ZC3H14: variants seen among roughly 807,000 people sequenced by gnomAD.
ZC3H14 encodes zinc finger CCCH-type containing 14.
A neutral mutation model predicts 92.4 loss-of-function variants in ZC3H14; 31 were observed. The observed-to-expected ratio is 0.34, with a 90% CI of 0.25 to 0.45. The LOEUF is 0.45. Among genes scored for constraint, ZC3H14 ranks in the 20% least tolerant of loss-of-function variants. The pLI, the probability that ZC3H14 is intolerant of heterozygous loss-of-function variation, is 1.00. For synonymous variants in ZC3H14, 321 were observed against 300.9 expected, an observed-to-expected ratio of 1.07 and a Z score of -0.69; for missense variants, 781 against 897.3, an observed-to-expected ratio of 0.87 and a Z score of 1.66.
intron 9 of ZC3H14, chr14:88,590,638 G>C (rs537760406): frequency 6.6e-6 from 1 of 152,256 alleles, no homozygotes; most frequent in Admixed American, 6.5e-5. Flanking sequence ...TTGTAGTTTA[G>C]GTATTTTTAT....
chr14:88,627,569 A>G lies in ZC3H14; in HGVS notation c.*15818A>G. 1.4e-6 allele frequency: 2 copies of G among 1,426,676 alleles called. No individual in the cohort carries two copies. Among genetic ancestry groups the G allele is most frequent in the Admixed American group, 4.8e-5 (2 of 41,998 alleles). 88.4% of individuals were successfully genotyped at this position (1,426,676 alleles called of 1,614,324 possible). A position where few individuals can be genotyped will look rare whatever the true frequency, so the allele number is the denominator to read the frequency against. ...GATTGTTTCAACCACCAACTTTAAGACAAATATTAAATACAGAATTCCTAC... is the reference window on the plus strand; with the variant it reads ...GATTGTTTCAACCACCAACTTTAAGGCAAATATTAAATACAGAATTCCTAC... On this transcript the variant is annotated 3_prime_UTR_variant, in exon 17 of 17. Coordinates refer to ENST00000251038, the MANE Select transcript of ZC3H14 (RefSeq NM_024824.5).
chr14:88,580,782 A>G (rs1453926253), intron 9 of ZC3H14, among the ~76,000 whole-genome samples: 1 of 152,226 alleles, frequency 6.6e-6, no homozygotes, highest in Middle Eastern at 3.2e-3. Flanking sequence ...GTATTATATA[A>G]TTAATGAAAT....
chr14:88,581,246 A>T (rs1015827418), intron 9 of ZC3H14, among the ~76,000 whole-genome samples: 2 of 152,144 alleles, frequency 1.3e-5, no homozygotes, highest in South Asian at 2.1e-4. Flanking sequence ...TGGTCTTGGA[A>T]TACTTCCTAT....
rs1376301172 is a variant in ZC3H14, at chr14:88,609,412, G to C, written c.2005+9G>C. ...ACTGTCTCCAAAACCAGGTGAGTGA[G>C]TGACTGTGCTACTACATTTGGGTAA... On this transcript the variant is annotated intron_variant, in intron 14 of 16. Coordinates refer to ENST00000251038, the MANE Select transcript of ZC3H14 (RefSeq NM_024824.5). The C allele has an allele frequency of 6.2e-6, 10 of 1,613,854 alleles. No individual in the cohort carries two copies. Among genetic ancestry groups the C allele is most frequent in the Non-Finnish European group, 7.6e-6 (9 of 1,179,968 alleles).
At chr14:88,597,489 C>T (rs944800966) in intron 10 of ZC3H14, among the ~76,000 whole-genome samples, 3 of 152,174 alleles carry the variant, frequency 2.0e-5, no homozygotes, top group Non-Finnish European at 4.4e-5. Context: ...AAGCTCTGGT[C>T]CCTAGACCCC....
intron 10 of ZC3H14, among the ~76,000 whole-genome samples, chr14:88,601,136 G>A (rs537538915): frequency 1.3e-5 from 2 of 152,192 alleles, no homozygotes; most frequent in East Asian, 1.9e-4. Context: ...AATTGTATAT[G>A]TGTCTGTTTT....
chr14:88,593,093 G>C (rs2083363809), intron 9 of ZC3H14, among the ~76,000 whole-genome samples: 1 of 151,296 alleles, frequency 6.6e-6, no homozygotes, highest in South Asian at 2.1e-4. Context: ...TCAGCCTCCT[G>C]AGTAGCTGGG....
chr14:88,575,992 G>C, intron 8 of ZC3H14, 52 bp downstream of exon 8: 1 of 1,460,534 alleles, frequency 6.8e-7, no homozygotes, highest in South Asian at 1.1e-5. Flanking sequence ...TGTAATTCTT[G>C]AGTAAGGTGA....
chr14:88,610,094 T>TG (rs1031334042), intron 15 of ZC3H14, among the ~76,000 whole-genome samples: 5 of 152,048 alleles, frequency 3.3e-5, no homozygotes, highest in Non-Finnish European at 1.5e-5. Context: ...TAGCGGGGGC[T>TG]GGGGGGCAGT....
In ZC3H14 at chr14:88,613,614, G is replaced by C. The variant is rs1294378839; in HGVS notation, c.*1863G>C. The C allele has an allele frequency of 6.6e-6, 1 of 152,088 alleles. No individual in the cohort carries two copies. The highest frequency in any genetic ancestry group is 1.5e-5 in the Non-Finnish European group (1 of 68,008). The allele number at this position is 152,088 out of a possible 1,614,324, so 9.4% of individuals were successfully genotyped here. On this transcript the variant is annotated 3_prime_UTR_variant, in exon 17 of 17. Coordinates refer to ENST00000251038, the MANE Select transcript of ZC3H14 (RefSeq NM_024824.5). Reference sequence around the variant, plus strand: ...AGCTAAGGTTGACCATAAAACATTTGTTGGATGACGTGGTTTAAAATGATC... The same window carrying C: ...AGCTAAGGTTGACCATAAAACATTTCTTGGATGACGTGGTTTAAAATGATC...
At chr14:88,585,380 CT>C (rs34472063) in intron 9 of ZC3H14, among the ~76,000 whole-genome samples, 106,871 of 120,654 alleles carry the variant, frequency 0.89, 47,255 homozygotes, top group Non-Finnish European at 0.94. Flanking sequence ...CCTTTCTGTT[CT>C]TTTTTTTTTT....
chr14:88,605,520 G>T (rs1044938475), intron 12 of ZC3H14, among the ~76,000 whole-genome samples: 1 of 152,058 alleles, frequency 6.6e-6, no homozygotes, highest in Middle Eastern at 3.2e-3. Flanking sequence ...TTTTTGTAGA[G>T]ATGGGGTTTC....
intron 10 of ZC3H14, 22 bp from the exon 11 acceptor site, chr14:88,601,902 G>A (rs2084699052): frequency 6.2e-7 from 1 of 1,613,500 alleles, no homozygotes; most frequent in Non-Finnish European, 8.5e-7. Context: ...GTAAACATTT[G>A]TGGCCAATTT....
rs893483541 is a variant in ZC3H14 at position 88,572,977 on chromosome 14, T to C, written c.831T>C (p.Phe277=). 21 of 1,614,006 alleles carry C rather than the reference T, an allele frequency of 1.3e-5. 1 individual carries two copies. The highest frequency in any genetic ancestry group is 2.7e-5 in the African/African-American group (2 of 74,936). The change falls in exon 6 of 17, where the codon TTT becomes TTC. Residue 277 remains phenylalanine (F), a synonymous_variant. Coordinates refer to ENST00000251038, the MANE Select transcript of ZC3H14 (RefSeq NM_024824.5). ...NSLEETYSPF[F]RNNSEKMSME... ...TAGAAGAAACGTATAGTCCGTTCTT[T>C]AGAAACAACTCGGAGAAAATGAGTA...
chr14:88,571,331 A>C (rs2080359496), intron 4 of ZC3H14, among the ~76,000 whole-genome samples: 2 of 152,144 alleles, frequency 1.3e-5, no homozygotes, highest in Admixed American at 1.3e-4. Context: ...GGAGCAGTGC[A>C]CTTTATCCGA....
rs2084353801 is a variant in ZC3H14, at chr14:88,599,810, A to G, written c.1355-2114A>G. Among the ~76,000 whole-genome samples the G allele has an allele frequency of 7.2e-5, 11 of 152,298 alleles. No individual in the cohort carries two copies. In the South Asian group the frequency reaches 2.3e-3, roughly 32 times the overall value. ...GTCTCAGAAAGTGCAGAGTGGTGGG[A>G]AGGAGTGAAGCAGCCCCTGGGCCAC... On this transcript the variant is annotated intron_variant, in intron 10 of 16. Coordinates refer to ENST00000251038, the MANE Select transcript of ZC3H14 (RefSeq NM_024824.5).
At chr14:88,604,082 T>C (rs2085003912) in intron 12 of ZC3H14, among the ~76,000 whole-genome samples, 1 of 152,224 alleles carries the variant, frequency 6.6e-6, no homozygotes, top group East Asian at 1.9e-4. Context: ...TGACTCTGTA[T>C]GTTTTGTCTA....
intron 12 of ZC3H14, among the ~76,000 whole-genome samples, chr14:88,605,828 T>C (rs1488706684): frequency 2.0e-5 from 3 of 152,204 alleles, no homozygotes; most frequent in African/African-American, 7.2e-5. Flanking sequence ...CTGCTGCTGC[T>C]ATTACGACTG....
intron 9 of ZC3H14, chr14:88,595,082 T>C (rs1306409234): frequency 6.2e-7 from 1 of 1,612,420 alleles, no homozygotes; most frequent in Non-Finnish European, 8.5e-7. Flanking sequence ...GATGTAAAAA[T>C]AATCGGCTTC....
Sources: gnomAD v4.1 joint callset for allele counts (sites outside exome capture counted in the v4.1 genomes callset) on GRCh38, gnomAD v4.1.1 for gene constraint, MANE v1.5 for transcripts, NCBI Gene and HGNC (gene_info 2026-07-23, HGNC 2026-07-21) for gene names.